Variants in ADGB observed in about 807,000 individuals in gnomAD.
ADGB encodes androglobin, also known as calpain-7-like protein.
Under a neutral mutation model 210.5 loss-of-function variants are expected in ADGB, and 172 were observed. The observed-to-expected ratio is 0.82, with a 90% confidence interval of 0.72 to 0.93. The LOEUF is 0.93. Ranked by LOEUF, ADGB falls within the 40% of genes least tolerant of loss-of-function variation. The pLI, the probability that ADGB is intolerant of heterozygous loss-of-function variation, is 0.00. For missense variants in ADGB, 2,025 were observed against 1,964.8 expected (o/e 1.03, Z -0.58); for synonymous variants, 658 against 662.7 (o/e 0.99, Z 0.11).
At chr6:146,621,074 A>T (rs538379187) in intron 1 of ADGB, among the ~76,000 whole-genome samples, 2 of 152,220 alleles carry the variant, frequency 1.3e-5, no homozygotes, top group African/African-American at 4.8e-5. Context: ...TTCCTCGTGT[A>T]GAAAAAACTT....
intron 35 of ADGB, among the ~76,000 whole-genome samples, chr6:146,804,511 A>G (rs540220978): frequency 6.6e-6 from 1 of 152,150 alleles, no homozygotes; most frequent in South Asian, 2.1e-4. Context: ...ATCTCGGTCA[A>G]TACCAATTGC....
chr6:146,725,906 C>G (rs867112220), intron 18 of ADGB, 177 bp from the exon 19 acceptor site: 7 of 466,502 alleles, frequency 1.5e-5, no homozygotes, highest in Middle Eastern at 1.2e-3. Flanking sequence ...ATTTCATGAT[C>G]CCGTAGGGTT....
intron 12 of ADGB, among the ~76,000 whole-genome samples, chr6:146,697,862 G>A (rs374266976): frequency 1.3e-5 from 2 of 152,080 alleles, no homozygotes; most frequent in East Asian, 1.9e-4. Context: ...TAAAGCCAAA[G>A]ACAAATATAA....
intron 26 of ADGB, among the ~76,000 whole-genome samples, chr6:146,751,558 G>A (rs1442710571): frequency 6.6e-6 from 1 of 152,096 alleles, no homozygotes; most frequent in Admixed American, 6.6e-5. Context: ...TCACCACACT[G>A]TCTTCCACAA....
intron 9 of ADGB, among the ~76,000 whole-genome samples, chr6:146,683,059 G>A (rs1333230578): frequency 6.6e-6 from 1 of 151,940 alleles, no homozygotes; most frequent in Non-Finnish European, 1.5e-5. Context: ...CCCAGGTGTG[G>A]GTTTGTTATA....
At chr6:146,726,784 A>G (rs1776901515) in intron 19 of ADGB, among the ~76,000 whole-genome samples, 2 of 152,252 alleles carry the variant, frequency 1.3e-5, no homozygotes, top group Admixed American at 1.3e-4. Context: ...GTTAGATCCC[A>G]TGGCATCATT....
At chr6:146,800,231 T>C (rs1778108268) in intron 33 of ADGB, among the ~76,000 whole-genome samples, 1 of 152,210 alleles carries the variant, frequency 6.6e-6, no homozygotes, top group African/African-American at 2.4e-5. Flanking sequence ...CACCGTGGTT[T>C]GACACTTTCT....
rs1343796125 is a variant in ADGB, at chr6:146,635,461, C to T, written c.161C>T (p.Ala54Val). ...CCACTCTGGCCAGAGTGGAGTGAAG[C>T]TGACATAAATTCAGAAAAGTGGGAT... ...KFPLWPEWSE[A>V]DINSEKWDAG... Residue 54 changes from alanine to valine, a missense_variant, in exon 2 of 36, where the codon GCT becomes GTT. Transcript: ENST00000397944. 10 of 1,547,618 alleles carry T rather than the reference C, an allele frequency of 6.5e-6. No homozygotes were observed. In the Admixed American group the frequency reaches 2.0e-4, roughly 31 times the overall value.
chr6:146,606,310 C>T (rs1339898398), intron 1 of ADGB, among the ~76,000 whole-genome samples: 1 of 152,106 alleles, frequency 6.6e-6, no homozygotes. Flanking sequence ...TTGTCAGATG[C>T]ATAGTTTGCA....
chr6:146,721,429 T>G lies in ADGB; in HGVS notation c.2019T>G (p.Tyr673Ter), dbSNP rs987736547. Residue 673 changes from tyrosine to a stop codon, truncating the protein, a stop_gained, in exon 17 of 36, where the codon TAT becomes TAG. Coordinates refer to ENST00000397944, the MANE Select transcript of ADGB (RefSeq NM_024694.4). LOFTEE classifies it high-confidence loss of function. ...TCTCAGAAGAACGAGTGTCCTACTA[T>G]CTATTTGTAGATAGTCTAAAACCTA... ...FKFSEERVSY[Y>*]LFVDSLKPIE... is the part of the protein sequence containing the mutation. 1.9e-6 allele frequency: 3 copies of G among 1,550,732 alleles called. No individual in the cohort carries two copies. Among genetic ancestry groups the G allele is most frequent in the African/African-American group, 1.4e-5 (1 of 73,134 alleles).
rs928568719 is a variant in ADGB, at chr6:146,667,850, C to T, written c.839+948C>T. On this transcript the variant is annotated intron_variant, in intron 7 of 35. Coordinates refer to ENST00000397944, the MANE Select transcript of ADGB (RefSeq NM_024694.4). ...TCCTGAAAGGATAGTCTTATTTAAT[C>T]ATCCATATGACCCCATCAACTAGGT... Among the ~76,000 whole-genome samples the T allele has an allele frequency of 8.5e-5, 13 of 152,090 alleles. No homozygotes were observed. In the South Asian group the frequency reaches 2.5e-3, roughly 29 times the overall value.
chr6:146,783,585 T>C (rs1267529978), intron 30 of ADGB, among the ~76,000 whole-genome samples: 1 of 152,200 alleles, frequency 6.6e-6, no homozygotes, highest in Non-Finnish European at 1.5e-5. Flanking sequence ...AATTTCCAAT[T>C]GTGAAAGTCA....
Position 146,815,057 on chromosome 6 carries a change from A to T in ADGB, c.4844A>T (p.Lys1615Ile). The stretch of plus-strand genomic sequence containing the variant: ...GACTCCTTAGATGAAGCCCGACAGA[A>T]AATTTTCGACATCCGGGAAGAGTAC... ...MQDSLDEARQKIFDIREEYRN... is the reference protein window; with the variant it reads ...MQDSLDEARQIIFDIREEYRN... Residue 1615 changes from lysine (K) to isoleucine (I), a missense_variant, in exon 36 of 36, where the codon AAA (lysine) becomes ATA (isoleucine). By Grantham distance (102) the Lys-to-Ile change is moderately radical. Coordinates refer to ENST00000397944, the MANE Select transcript of ADGB (RefSeq NM_024694.4). 6.5e-7 allele frequency: 1 copy of T among 1,545,096 alleles called. No homozygotes were observed. The highest frequency in any genetic ancestry group is 8.7e-7 in the Non-Finnish European group (1 of 1,145,576).
chr6:146,655,849 G>C (rs1288749193), intron 4 of ADGB, among the ~76,000 whole-genome samples: 3 of 151,892 alleles, frequency 2.0e-5, no homozygotes, highest in Non-Finnish European at 4.4e-5. Flanking sequence ...GAATTTCCTA[G>C]ATAACTCAAA....
At chr6:146,781,353 GAA>G (rs1196626129) in intron 29 of ADGB, among the ~76,000 whole-genome samples, 1 of 96,144 alleles carries the variant, frequency 1.0e-5, no homozygotes, top group African/African-American at 3.9e-5. Context: ...AAAAGAAAAA[GAA>G]AAAAAAAAAA....
chr6:146,786,167 A>ATATAT (rs1249503411), intron 32 of ADGB, among the ~76,000 whole-genome samples: 3 of 39,080 alleles, frequency 7.7e-5, no homozygotes, highest in African/African-American at 3.4e-4. Context: ...TTAAGTTAGT[A>ATATAT]TATATATATA....
At chr6:146,648,780 T>C (rs1054016843) in intron 3 of ADGB, among the ~76,000 whole-genome samples, 7 of 151,816 alleles carry the variant, frequency 4.6e-5, no homozygotes, top group Non-Finnish European at 1.0e-4. Context: ...CCCTAAATTA[T>C]ATAAAATTAT....
intron 27 of ADGB, 60 bp from the exon 28 acceptor site, chr6:146,763,841 G>A: frequency 7.3e-7 from 1 of 1,362,064 alleles, no homozygotes; most frequent in Non-Finnish European, 9.9e-7. Context: ...AACTGATTTA[G>A]TCAGTAATAA....
chr6:146,785,646 A>G lies in ADGB; in HGVS notation c.4249A>G (p.Ile1417Val). The G allele has an allele frequency of 6.4e-7, 1 of 1,551,250 alleles. No homozygotes were observed. Among genetic ancestry groups the G allele is most frequent in the Non-Finnish European group, 8.7e-7 (1 of 1,146,652 alleles). ...QARLHYLSGFIKKTSDAESPP... is the reference protein window; with the variant it reads ...QARLHYLSGFVKKTSDAESPP... ...TCGTTTGCATTACCTTAGCGGGTTC[A>G]TTAAGAAAACATCTGATGCTGAGAG... The change falls in exon 32 of 36, where the codon ATT becomes GTT. Residue 1417 changes from isoleucine (I) to valine (V), a missense_variant. Physicochemically the swap from Ile to Val is conservative, Grantham distance 29. Transcript: ENST00000397944.
Sources: allele counts gnomAD v4.1 joint callset (sites outside exome capture counted in the v4.1 genomes callset), GRCh38; gene constraint gnomAD v4.1.1; transcripts MANE v1.5; gene names NCBI Gene and HGNC (gene_info 2026-07-23, HGNC 2026-07-21).